The following FBXO34 variants were observed in gnomAD, a reference collection of about 807,000 sequenced individuals.
FBXO34 encodes F-box only protein 34.
A neutral mutation model predicts 24.5 loss-of-function variants in FBXO34; 12 were observed. The ratio of observed to expected loss-of-function variants is 0.49; its 90% CI spans 0.31 to 0.79. FBXO34 has a LOEUF of 0.79. Among genes scored for constraint, FBXO34 ranks in the 30% least tolerant of loss-of-function variants. The probability of loss-of-function intolerance (pLI) is 0.04; values close to 1 mark genes in which losing one functional copy is unlikely to be tolerated. For missense variants in FBXO34, 823 were observed against 857.7 expected, an observed-to-expected ratio of 0.96 and a Z score of 0.51; for synonymous variants, 320 against 311.9, an observed-to-expected ratio of 1.03 and a Z score of -0.27.
chr14:55,296,952 A>G (rs1208438774), intron 1 of FBXO34, among the ~76,000 whole-genome samples: 2 of 152,194 alleles, frequency 1.3e-5, no homozygotes, highest in Non-Finnish European at 2.9e-5. Flanking sequence ...TATCTCCAGT[A>G]TATAAATCAG....
At chr14:55,378,030 G>A in the FBXO34 span, 1 of 1,613,048 alleles carries the variant, frequency 6.2e-7, no homozygotes. Flanking sequence ...TTTCTTCACT[G>A]CTCGAGTAAA....
intron 1 of FBXO34, among the ~76,000 whole-genome samples, chr14:55,273,543 G>C (rs1244490108): frequency 6.6e-6 from 1 of 152,032 alleles, no homozygotes; most frequent in Admixed American, 6.6e-5. Flanking sequence ...ATTATTTTTC[G>C]TATGTACAAA....
chr14:55,273,970 TA>T (rs1393454136), intron 1 of FBXO34, among the ~76,000 whole-genome samples: 3 of 152,064 alleles, frequency 2.0e-5, no homozygotes, highest in Non-Finnish European at 4.4e-5. Context: ...CATGCCCGGC[TA>T]ATTTTTGTAT....
intron 1 of FBXO34, among the ~76,000 whole-genome samples, chr14:55,312,229 A>G (rs933890713): frequency 2.0e-5 from 3 of 152,082 alleles, no homozygotes; most frequent in Non-Finnish European, 2.9e-5. Context: ...AAAAAACCTT[A>G]AAGTTCCAAA....
chr14:55,430,410 A>G, the FBXO34 span, among the ~76,000 whole-genome samples: 4 of 151,456 alleles, frequency 2.6e-5, no homozygotes, highest in Non-Finnish European at 4.4e-5. Context: ...AAAAAAAAAA[A>G]AAAAAAAAAA....
chr14:55,396,629 A>T, the FBXO34 span, among the ~76,000 whole-genome samples: 6 of 152,196 alleles, frequency 3.9e-5, no homozygotes, highest in Non-Finnish European at 5.9e-5. Flanking sequence ...CAAAAGAGAC[A>T]ACCCTTTTAG....
chr14:55,383,989 CTT>C, the FBXO34 span, among the ~76,000 whole-genome samples: 1 of 152,144 alleles, frequency 6.6e-6, no homozygotes, highest in Non-Finnish European at 1.5e-5. Flanking sequence ...GCCAGTGGTT[CTT>C]CGTATCTTTC....
intron 1 of FBXO34, among the ~76,000 whole-genome samples, chr14:55,342,566 A>G (rs999167283): frequency 6.6e-6 from 1 of 152,114 alleles, no homozygotes; most frequent in Non-Finnish European, 1.5e-5. Context: ...TAAAAAAGGC[A>G]TGCTGTGGGA....
At chr14:55,289,062 A>G (rs1194636525) in intron 1 of FBXO34, among the ~76,000 whole-genome samples, 1 of 152,110 alleles carries the variant, frequency 6.6e-6, no homozygotes, top group East Asian at 1.9e-4. Flanking sequence ...AAAAAACAAA[A>G]AAAGTATATG....
At chr14:55,300,174 T>C (rs545709273) in intron 1 of FBXO34, among the ~76,000 whole-genome samples, 4 of 152,306 alleles carry the variant, frequency 2.6e-5, no homozygotes, top group South Asian at 4.1e-4. Context: ...TCAGGATCCA[T>C]ATAAAGTCTC....
At chr14:55,398,510 C>G in the FBXO34 span, among the ~76,000 whole-genome samples, 1 of 152,220 alleles carries the variant, frequency 6.6e-6, no homozygotes, top group African/African-American at 2.4e-5. Context: ...CCATAAGAAT[C>G]CTTCTTTTAC....
the FBXO34 span, chr14:55,435,918 C>A: frequency 3.8e-6 from 6 of 1,575,230 alleles, no homozygotes; most frequent in Non-Finnish European, 4.3e-6. Context: ...GCCAGGTTTA[C>A]AGTGGAAACT....
the FBXO34 span, among the ~76,000 whole-genome samples, chr14:55,391,529 G>A: frequency 1.3e-5 from 2 of 150,126 alleles, no homozygotes; most frequent in Non-Finnish European, 3.0e-5. Flanking sequence ...ACATAGTTTT[G>A]TATGTATCAG....
At chr14:55,399,238 T>G in the FBXO34 span, among the ~76,000 whole-genome samples, 1 of 152,226 alleles carries the variant, frequency 6.6e-6, no homozygotes, top group Admixed American at 6.5e-5. Flanking sequence ...GTGACAGAAT[T>G]ATATACTTAT....
chr14:55,418,414 C>T, the FBXO34 span, among the ~76,000 whole-genome samples: 8 of 152,226 alleles, frequency 5.3e-5, no homozygotes, highest in Non-Finnish European at 1.0e-4. Context: ...CATAACTGCA[C>T]ATATTTTCCC....
At chr14:55,308,495 G>A (rs1882629088) in intron 1 of FBXO34, among the ~76,000 whole-genome samples, 1 of 152,074 alleles carries the variant, frequency 6.6e-6, no homozygotes. Flanking sequence ...TCCATAGTCG[G>A]GTTAATTATC....
chr14:55,436,566 T>C, the FBXO34 span: 1 of 1,613,262 alleles, frequency 6.2e-7, no homozygotes, highest in South Asian at 1.1e-5. Flanking sequence ...CTTACTGTAG[T>C]TGAGGTACAA....
At chr14:55,282,907 A>G (rs1881607997) in intron 1 of FBXO34, among the ~76,000 whole-genome samples, 1 of 152,324 alleles carries the variant, frequency 6.6e-6, no homozygotes, top group Non-Finnish European at 1.5e-5. Context: ...GTCTCAAAGG[A>G]CACTTTTGCT....
At chr14:55,353,842 GTATTATC>G (rs1214230905), downstream of FBXO34, among the ~76,000 whole-genome samples, 2 of 152,204 alleles carry the variant, frequency 1.3e-5, no homozygotes, top group East Asian at 3.9e-4. Flanking sequence ...TTCGAGTGAC[GTATTATC>G]TAGGAGATTC....
Sources: gnomAD v4.1 joint callset for allele counts (sites outside exome capture counted in the v4.1 genomes callset) on GRCh38, gnomAD v4.1.1 for gene constraint, MANE v1.5 for transcripts, NCBI Gene and HGNC (gene_info 2026-07-23, HGNC 2026-07-21) for gene names.